Variants in RAD51B observed in about 807,000 individuals in gnomAD.
RAD51B encodes RAD51 paralog B.
In RAD51B, 38 loss-of-function variants were observed where a neutral mutation model predicts 42.2. The ratio of observed to expected loss-of-function variants is 0.90; its 90% CI spans 0.70 to 1.18. The LOEUF (loss-of-function observed/expected upper bound fraction) is 1.18. RAD51B is among the 50% of genes most tolerant of loss of function. The probability of loss-of-function intolerance (pLI) is 0.00; values close to 1 mark genes in which losing one functional copy is unlikely to be tolerated. For synonymous variants in RAD51B, 154 were observed against 145.2 expected (o/e 1.06, Z -0.43); for missense variants, 373 against 400.7 (o/e 0.93, Z 0.59).
At chr14:67,935,186 A>T (rs1423633613) in intron 7 of RAD51B, among the ~76,000 whole-genome samples, 1 of 152,146 alleles carries the variant, frequency 6.6e-6, no homozygotes, top group African/African-American at 2.4e-5. Context: ...ATCCTTTTGG[A>T]GAGAGTTAAT....
At chr14:68,312,308 G>C (rs931896228) in intron 8 of RAD51B, among the ~76,000 whole-genome samples, 5 of 152,220 alleles carry the variant, frequency 3.3e-5, no homozygotes, top group African/African-American at 9.6e-5. Flanking sequence ...GTTCGGAGCA[G>C]AATGTATAAC....
intron 7 of RAD51B, among the ~76,000 whole-genome samples, chr14:68,255,280 G>C (rs184786068): frequency 1.3e-5 from 2 of 152,276 alleles, no homozygotes; most frequent in African/African-American, 4.8e-5. Context: ...TTGACAGAAA[G>C]AGTTAATAAT....
chr14:67,876,911 G>A (rs1322131681), intron 5 of RAD51B, among the ~76,000 whole-genome samples: 1 of 152,100 alleles, frequency 6.6e-6, no homozygotes, highest in Non-Finnish European at 1.5e-5. Context: ...CTCTTAATAG[G>A]TTTTCAGGGA....
chr14:67,888,770 A>G (rs757619996), intron 7 of RAD51B, among the ~76,000 whole-genome samples: 1 of 152,182 alleles, frequency 6.6e-6, no homozygotes, highest in Non-Finnish European at 1.5e-5. Flanking sequence ...CAGAGAATGT[A>G]CATAGATTAT....
intron 8 of RAD51B, among the ~76,000 whole-genome samples, chr14:68,406,593 C>T (rs753210823): frequency 6.6e-6 from 1 of 152,168 alleles, no homozygotes; most frequent in Non-Finnish European, 1.5e-5. Flanking sequence ...AGGCCTAGGA[C>T]ACTGCTGTAC....
At chr14:68,455,874 C>G (rs2085672955) in intron 9 of RAD51B, among the ~76,000 whole-genome samples, 1 of 152,120 alleles carries the variant, frequency 6.6e-6, no homozygotes. Context: ...AATTATAAAA[C>G]TGTGTAGATG....
intron 10 of RAD51B, among the ~76,000 whole-genome samples, chr14:68,504,305 C>A (rs1885128590): frequency 6.6e-6 from 1 of 152,126 alleles, no homozygotes; most frequent in Non-Finnish European, 1.5e-5. Flanking sequence ...AGAAGGTGGG[C>A]AAAACCAAGG....
rs774191786 is a variant in RAD51B, at chr14:67,837,156, T to TAC, written c.315+1973_315+1974dup. On this transcript the variant is annotated intron_variant, in intron 4 of 10. Transcript: ENST00000471583. ...ATTAATAAAAATGCACACACACACATACACACACACACACGCACACACACA... is the reference window on the plus strand; with the variant it reads ...ATTAATAAAAATGCACACACACACATACACACACACACACACGCACACACACA... 2.7e-4 allele frequency among the ~76,000 whole-genome samples: 41 copies of TAC among 150,592 alleles called. No individual in the cohort carries two copies. In the East Asian group the frequency reaches 3.7e-3, roughly 14 times the overall value.
chr14:68,525,881 T>C (rs1886895322), intron 10 of RAD51B, among the ~76,000 whole-genome samples: 1 of 152,206 alleles, frequency 6.6e-6, no homozygotes, highest in African/African-American at 2.4e-5. Flanking sequence ...TTCTTGGGTT[T>C]GAGAAGTTAT....
chr14:68,115,170 A>G (rs995041015), intron 7 of RAD51B, among the ~76,000 whole-genome samples: 1 of 137,080 alleles, frequency 7.3e-6, no homozygotes, highest in Non-Finnish European at 1.5e-5. Context: ...GATAGACTGG[A>G]TTAAGAAAAT....
chr14:67,949,002 G>A (rs28896907), intron 7 of RAD51B, among the ~76,000 whole-genome samples: 6,135 of 143,676 alleles, frequency 0.043, 266 homozygotes, highest in African/African-American at 0.11. Flanking sequence ...TGCTAAAAAT[G>A]CTAGTGATCA....
At chr14:68,127,536 T>C (rs1333747583) in intron 7 of RAD51B, among the ~76,000 whole-genome samples, 1 of 151,564 alleles carries the variant, frequency 6.6e-6, no homozygotes, top group African/African-American at 2.4e-5. Flanking sequence ...GAATGGGAAA[T>C]ATAGGGGCTC....
At chr14:68,667,780 T>TATC (rs1426725121) in intron 11 of RAD51B, among the ~76,000 whole-genome samples, 1 of 152,234 alleles carries the variant, frequency 6.6e-6, no homozygotes, top group East Asian at 1.9e-4. Flanking sequence ...TTATTTATTA[T>TATC]ATCTCCATTG....
intron 10 of RAD51B, among the ~76,000 whole-genome samples, chr14:68,536,144 C>G (rs1299511427): frequency 6.6e-6 from 1 of 152,208 alleles, no homozygotes. Flanking sequence ...CTCCTGACAT[C>G]TCCATTCTTT....
intron 5 of RAD51B, among the ~76,000 whole-genome samples, chr14:67,884,997 A>T (rs926334294): frequency 3.9e-5 from 6 of 152,166 alleles, no homozygotes; most frequent in Non-Finnish European, 8.8e-5. Flanking sequence ...GAGTCTCTAA[A>T]TGGAAAACAA....
chr14:68,288,524 T>C (rs948598432), intron 7 of RAD51B, among the ~76,000 whole-genome samples: 3 of 152,364 alleles, frequency 2.0e-5, no homozygotes, highest in Non-Finnish European at 4.4e-5. Flanking sequence ...TTGAGGTATA[T>C]CTGTAGTTCA....
chr14:68,459,493 C>G (rs993881765), intron 9 of RAD51B, among the ~76,000 whole-genome samples: 3 of 152,186 alleles, frequency 2.0e-5, no homozygotes, highest in African/African-American at 7.2e-5. Context: ...AATAGGGTCC[C>G]TGTAGAAGGA....
intron 7 of RAD51B, among the ~76,000 whole-genome samples, chr14:67,951,436 A>C (rs905932412): frequency 6.6e-6 from 1 of 152,218 alleles, no homozygotes; most frequent in African/African-American, 2.4e-5. Flanking sequence ...TATTAACCAA[A>C]ATAAGGCAAC....
intron 7 of RAD51B, among the ~76,000 whole-genome samples, chr14:68,272,100 G>A (rs2081114965): frequency 6.6e-6 from 1 of 152,214 alleles, no homozygotes; most frequent in Non-Finnish European, 1.5e-5. Flanking sequence ...TTTGGATGCA[G>A]TTGCACAGAG....
Sources: allele counts gnomAD v4.1 joint callset (sites outside exome capture counted in the v4.1 genomes callset), GRCh38; gene constraint gnomAD v4.1.1; transcripts MANE v1.5; gene names NCBI Gene and HGNC (gene_info 2026-07-23, HGNC 2026-07-21).